The following GNAO1 variants were observed in gnomAD, a reference collection of about 807,000 sequenced individuals.
GNAO1 encodes the protein guanine nucleotide-binding protein G(o) subunit alpha.
For synonymous variants in GNAO1, 164 were observed against 180.7 expected, an observed-to-expected ratio of 0.91 and a Z score of 0.74; for missense variants, 166 against 478.7, an observed-to-expected ratio of 0.35 and a Z score of 6.10.
At chr16:56,347,449 C>G in intron 6 of GNAO1, 1 of 985,638 alleles carries the variant, frequency 1.0e-6, no homozygotes, top group South Asian at 4.7e-5. Context: ...ATCTCCCACC[C>G]CTCAGCAAGA....
At chr16:56,288,835 G>A (rs1423296420) in intron 3 of GNAO1, among the ~76,000 whole-genome samples, 3 of 152,024 alleles carry the variant, frequency 2.0e-5, no homozygotes, top group East Asian at 1.9e-4. Flanking sequence ...GCCCTGCCTC[G>A]GCTGGCAGGG....
chr16:56,213,228 C>T (rs758287013), intron 2 of GNAO1: 13 of 398,458 alleles, frequency 3.3e-5, no homozygotes, highest in African/African-American at 1.4e-4. Flanking sequence ...TGCTTTCCAT[C>T]GAGGTTATTC....
intron 2 of GNAO1, among the ~76,000 whole-genome samples, chr16:56,239,787 A>G (rs769993653): frequency 6.6e-6 from 1 of 152,174 alleles, no homozygotes; most frequent in Non-Finnish European, 1.5e-5. Flanking sequence ...AGCCTCAGCT[A>G]TGGTTGTCTT....
chr16:56,270,083 G>A (rs959916376), intron 2 of GNAO1, among the ~76,000 whole-genome samples: 1 of 152,118 alleles, frequency 6.6e-6, no homozygotes, highest in Admixed American at 6.5e-5. Context: ...GGAGAACCAG[G>A]GTTTCTCCTT....
Position 56,354,840 on chromosome 16 carries a change from C to T in GNAO1, c.878-26C>T. Reference sequence around the variant, plus strand: ...ACCCACAGCGCTCATCAGGGCCTCTCCCCGTTCTTCTGTGTCTTGTTACAG... The same window carrying T: ...ACCCACAGCGCTCATCAGGGCCTCTTCCCGTTCTTCTGTGTCTTGTTACAG... On this transcript the variant is annotated intron_variant, in intron 7 of 8. Transcript: ENST00000262493. This position sits in a 1 kb window ranked among gnomAD's most constrained non-coding sequence, Gnocchi z 4.3. 7 of 1,524,030 alleles carry T rather than the reference C, an allele frequency of 4.6e-6. No homozygotes were observed. Among genetic ancestry groups the T allele is most frequent in the Non-Finnish European group, 6.4e-6 (7 of 1,099,880 alleles). 94.4% of individuals were successfully genotyped at this position (1,524,030 alleles called of 1,614,324 possible). A position where few individuals can be genotyped will look rare whatever the true frequency, so the allele number is the denominator to read the frequency against.
chr16:56,197,579 A>G (rs1342982221), intron 2 of GNAO1, among the ~76,000 whole-genome samples: 1 of 152,238 alleles, frequency 6.6e-6, no homozygotes, highest in African/African-American at 2.4e-5. Context: ...TAGAACCTAT[A>G]TGCTTGTTGA....
intron 2 of GNAO1, among the ~76,000 whole-genome samples, chr16:56,240,942 G>A (rs1433977621): frequency 6.6e-6 from 1 of 152,222 alleles, no homozygotes; most frequent in East Asian, 1.9e-4. Flanking sequence ...GGGAATGACA[G>A]TCAAGGCCAG....
At chr16:56,341,946 C>A (rs1360970137) in intron 6 of GNAO1, among the ~76,000 whole-genome samples, 1 of 152,218 alleles carries the variant, frequency 6.6e-6, no homozygotes, top group Non-Finnish European at 1.5e-5. Context: ...CCCAGTGGGG[C>A]ATCCCGGGGG....
intron 5 of GNAO1, among the ~76,000 whole-genome samples, chr16:56,335,726 C>G (rs549290032): frequency 7.2e-5 from 11 of 152,328 alleles, no homozygotes; most frequent in African/African-American, 2.2e-4. Flanking sequence ...TCCTGCTCCC[C>G]CACTGGGAGC....
Position 56,297,482 on chromosome 16 carries a change from G to A in GNAO1, c.303+21410G>A, listed in dbSNP as rs762105517. On this transcript the variant is annotated intron_variant, in intron 3 of 8. Coordinates refer to ENST00000262493, the MANE Select transcript of GNAO1 (RefSeq NM_020988.3). The stretch of plus-strand genomic sequence containing the variant: ...TTTCTGTGCGCACAGCCACCCACCC[G>A]GTGGATGACATGGACACTGCGCACC... 3.8e-4 allele frequency among the ~76,000 whole-genome samples: 58 copies of A among 150,922 alleles called. 1 individual carries two copies. Among genetic ancestry groups the A allele is most frequent in the Admixed American group, 2.2e-3 (33 of 15,152 alleles).
At chr16:56,284,137 A>G (rs2037141192) in intron 3 of GNAO1, among the ~76,000 whole-genome samples, 1 of 152,306 alleles carries the variant, frequency 6.6e-6, no homozygotes, top group South Asian at 2.1e-4. Flanking sequence ...TTACTTACAA[A>G]TGCTTACTTC....
rs576785640 is a variant in GNAO1, at chr16:56,347,904, C to T, written c.724-3480C>T. ...GGTTCTGACCCATCCCCTGGCTCTGCCCGCCGTCCCCCACCCTGCCCCTGC... is the reference window on the plus strand; with the variant it reads ...GGTTCTGACCCATCCCCTGGCTCTGTCCGCCGTCCCCCACCCTGCCCCTGC... On this transcript the variant is annotated intron_variant, in intron 6 of 8. Transcript: ENST00000262493. 1.0e-4 allele frequency: 91 copies of T among 911,716 alleles called. No individual in the cohort carries two copies. The African/African-American group carries it at 1.6e-3, about 16-fold the overall frequency. 56.5% of individuals were successfully genotyped at this position (911,716 alleles called of 1,614,324 possible). A position where few individuals can be genotyped will look rare whatever the true frequency, so the allele number is the denominator to read the frequency against.
chr16:56,310,204 C>A (rs965127990), intron 3 of GNAO1, among the ~76,000 whole-genome samples: 1 of 152,038 alleles, frequency 6.6e-6, no homozygotes. Flanking sequence ...GGTGTGCTCC[C>A]GTAGTCCTAG....
intron 2 of GNAO1, among the ~76,000 whole-genome samples, chr16:56,269,401 G>A (rs764447625): frequency 5.3e-5 from 8 of 152,086 alleles, no homozygotes; most frequent in East Asian, 1.9e-4. Context: ...GACGCGGGAC[G>A]CCTGACTGAC....
intron 2 of GNAO1, among the ~76,000 whole-genome samples, chr16:56,261,977 G>A (rs1463914541): frequency 2.6e-5 from 4 of 152,192 alleles, no homozygotes; most frequent in Admixed American, 1.3e-4. Flanking sequence ...TAGCCTAGGG[G>A]TACACTAGCT....
At chr16:56,338,906 C>G (rs1302801075) in intron 6 of GNAO1, among the ~76,000 whole-genome samples, 3 of 152,240 alleles carry the variant, frequency 2.0e-5, no homozygotes, top group African/African-American at 4.8e-5. Context: ...TCTCACCTCC[C>G]TTTTTCCCCA....
At chr16:56,217,930 T>C (rs1333317950) in intron 2 of GNAO1, among the ~76,000 whole-genome samples, 1 of 152,194 alleles carries the variant, frequency 6.6e-6, no homozygotes, top group Non-Finnish European at 1.5e-5. Context: ...CAATGCATGG[T>C]AAAGTCCCAT....
At chr16:56,334,962 G>T (rs2037726756) in intron 5 of GNAO1, 105 bp downstream of exon 5, 2 of 1,242,100 alleles carry the variant, frequency 1.6e-6, no homozygotes. Context: ...CCTGCCCCAG[G>T]GAACCTGCGG....
At chr16:56,209,597 A>T (rs1321815724) in intron 2 of GNAO1, among the ~76,000 whole-genome samples, 1 of 152,222 alleles carries the variant, frequency 6.6e-6, no homozygotes, top group Non-Finnish European at 1.5e-5. Context: ...TTCCTGATCC[A>T]TGAGCATGAT....
Sources: gnomAD v4.1 joint callset for allele counts (sites outside exome capture counted in the v4.1 genomes callset) on GRCh38, gnomAD v4.1.1 for gene constraint, Gnocchi (gnomAD v3.1) non-coding constraint, MANE v1.5 for transcripts, NCBI Gene and HGNC (gene_info 2026-07-23, HGNC 2026-07-21) for gene names.